AGTPBP1: variants seen among roughly 807,000 people sequenced by gnomAD.
AGTPBP1 encodes the protein cytosolic carboxypeptidase 1.
In AGTPBP1, 70 loss-of-function variants were observed where a neutral mutation model predicts 143.9. That is an observed-to-expected ratio of 0.49 (90% CI 0.40 to 0.59). The LOEUF (loss-of-function observed/expected upper bound fraction) is 0.59, where lower values mean the gene tolerates loss of function less well. AGTPBP1 is among the 20% of genes least tolerant of loss of function. AGTPBP1 has a pLI of 0.00. For missense variants in AGTPBP1, 1,229 were observed against 1,464.5 expected, an observed-to-expected ratio of 0.84 and a Z score of 2.62; for synonymous variants, 463 against 500.2, an observed-to-expected ratio of 0.93 and a Z score of 0.99.
In AGTPBP1 at chr9:85,669,484, CT is replaced by C; in HGVS notation, c.662del (p.Lys221ArgfsTer4). 6.3e-7 allele frequency: 1 copy of C among 1,593,668 alleles called. No homozygotes were observed. The highest frequency in any genetic ancestry group is 8.6e-7 in the Non-Finnish European group (1 of 1,162,704). On this transcript the variant is annotated frameshift_variant and splice_region_variant, in exon 8 of 26. Coordinates refer to ENST00000357081, the MANE Select transcript of AGTPBP1 (RefSeq NM_001330701.2). LOFTEE classifies it high-confidence loss of function. ...PFSKKNSSLI[K>X]VALDTLAALL... ...TGTTTACATTCAAAACATTTACTCA[CT>C]TTATAAGACTGGAATTCTTCTTACT... is the stretch of plus-strand genomic sequence containing the variant.
intron 1 of AGTPBP1, among the ~76,000 whole-genome samples, chr9:85,734,088 C>T (rs1024927575): frequency 6.6e-6 from 1 of 152,094 alleles, no homozygotes; most frequent in Admixed American, 6.6e-5. Context: ...CCTGTCTCTA[C>T]TAAAAATACA....
intron 2 of AGTPBP1, among the ~76,000 whole-genome samples, chr9:85,704,806 C>T (rs953245487): frequency 2.0e-5 from 3 of 151,670 alleles, no homozygotes; most frequent in African/African-American, 4.9e-5. Context: ...AATTAATAAA[C>T]AAGGATATTA....
the AGTPBP1 span, chr9:85,764,732 G>A: frequency 6.0e-4 from 750 of 1,250,620 alleles, 3 homozygotes; most frequent in African/African-American, 7.8e-4. Context: ...TAGTTTGAAA[G>A]TATCAACTCG....
chr9:85,623,518 G>T (rs1205463597), intron 14 of AGTPBP1, among the ~76,000 whole-genome samples: 1 of 152,120 alleles, frequency 6.6e-6, no homozygotes, highest in South Asian at 2.1e-4. Flanking sequence ...ACTCTGGGAG[G>T]CCGAGGCAGG....
At chr9:85,566,549 A>G (rs997950523) in intron 25 of AGTPBP1, among the ~76,000 whole-genome samples, 2 of 149,980 alleles carry the variant, frequency 1.3e-5, no homozygotes, top group Non-Finnish European at 1.5e-5. Flanking sequence ...AAAAAAAAAA[A>G]GGCTGGTATA....
intron 13 of AGTPBP1, among the ~76,000 whole-genome samples, chr9:85,635,178 T>C (rs667494): frequency 0.5 from 76,648 of 152,058 alleles, 22,011 homozygotes; most frequent in East Asian, 0.87. Context: ...AATCCACCAG[T>C]TAACCCATTT....
intron 25 of AGTPBP1, 69 bp from the exon 26 acceptor site, chr9:85,547,355 A>C: frequency 7.8e-7 from 1 of 1,275,454 alleles, no homozygotes; most frequent in Non-Finnish European, 1.0e-6. Flanking sequence ...AGATTATTTC[A>C]CCATACTGGA....
chr9:85,803,025 G>A, the AGTPBP1 span, among the ~76,000 whole-genome samples: 2 of 152,224 alleles, frequency 1.3e-5, no homozygotes, highest in African/African-American at 4.8e-5. Context: ...ACAATTAGCA[G>A]TCTGCCAAAA....
intron 2 of AGTPBP1, 119 bp from the exon 3 acceptor site, chr9:85,692,932 C>T (rs1587915968): frequency 6.2e-6 from 7 of 1,126,850 alleles, no homozygotes; most frequent in South Asian, 3.1e-5. Flanking sequence ...ATTTACACGT[C>T]GCACTTCCTT....
chr9:85,692,762 G>A lies in AGTPBP1; in HGVS notation c.84C>T (p.Ile28=). The part of the protein sequence containing the change: ...IVGLLAQLEK[I]NAEPSESDTA... ...TGTCTGATTCTGAAGGCTCAGCATT[G>A]ATCTTCTCCAGTTGAGCCAGGAGTC... Residue 28 remains isoleucine, a synonymous_variant, in exon 3 of 26, where the codon ATC becomes ATT. Transcript: ENST00000357081. The A allele has an allele frequency of 6.2e-7, 1 of 1,613,890 alleles. No individual in the cohort carries two copies. Among genetic ancestry groups the A allele is most frequent in the Non-Finnish European group, 8.5e-7 (1 of 1,179,856 alleles).
chr9:85,769,580 G>C, the AGTPBP1 span, among the ~76,000 whole-genome samples: 275 of 150,012 alleles, frequency 1.8e-3, 1 homozygote, highest in African/African-American at 6.4e-3. Flanking sequence ...GGGATTCATC[G>C]ATCTTCTCTA....
At chr9:85,557,948 T>G (rs1038375945) in intron 25 of AGTPBP1, among the ~76,000 whole-genome samples, 5 of 152,208 alleles carry the variant, frequency 3.3e-5, no homozygotes, top group Non-Finnish European at 5.9e-5. Context: ...AAAAATAATA[T>G]GATGGTAACT....
At chr9:85,745,080 T>C (rs775553156), upstream of AGTPBP1, among the ~76,000 whole-genome samples, 2 of 152,220 alleles carry the variant, frequency 1.3e-5, no homozygotes, top group Non-Finnish European at 2.9e-5. Context: ...TCAGTAAATG[T>C]TTTCCTGTTT....
intron 2 of AGTPBP1, among the ~76,000 whole-genome samples, chr9:85,702,331 A>G (rs1836716832): frequency 6.6e-6 from 1 of 152,204 alleles, no homozygotes; most frequent in South Asian, 2.1e-4. Context: ...TCATTTGTTT[A>G]CATCCATTAA....
chr9:85,751,588 C>A, the AGTPBP1 span, among the ~76,000 whole-genome samples: 3 of 152,032 alleles, frequency 2.0e-5, no homozygotes, highest in African/African-American at 4.8e-5. Context: ...TTCTAAACCC[C>A]TAGAAGGCAC....
chr9:85,753,365 T>C, the AGTPBP1 span: 1 of 1,613,998 alleles, frequency 6.2e-7, no homozygotes, highest in Non-Finnish European at 8.5e-7. Flanking sequence ...AGGACCTTGA[T>C]GCATGTAACT....
At chr9:85,763,893 T>C in the AGTPBP1 span, among the ~76,000 whole-genome samples, 1 of 152,146 alleles carries the variant, frequency 6.6e-6, no homozygotes, top group East Asian at 1.9e-4. Flanking sequence ...ATACAAATAA[T>C]TACTGTGAAA....
At chr9:85,624,147 C>T (rs536695446) in intron 14 of AGTPBP1, among the ~76,000 whole-genome samples, 1 of 152,264 alleles carries the variant, frequency 6.6e-6, no homozygotes, top group South Asian at 2.1e-4. Context: ...ATTGTAAGAA[C>T]ATTATGGGAA....
intron 2 of AGTPBP1, among the ~76,000 whole-genome samples, chr9:85,712,055 G>A (rs1837413167): frequency 6.6e-6 from 1 of 151,040 alleles, no homozygotes; most frequent in Non-Finnish European, 1.5e-5. Flanking sequence ...CCTGAGGTCA[G>A]GAGTTCGAGA....
Sources: allele counts gnomAD v4.1 joint callset (sites outside exome capture counted in the v4.1 genomes callset), GRCh38; gene constraint gnomAD v4.1.1; transcripts MANE v1.5; gene names NCBI Gene and HGNC (gene_info 2026-07-23, HGNC 2026-07-21).